Variants in NR3C2 observed in about 807,000 individuals in gnomAD.
The protein encoded by NR3C2 is mineralocorticoid receptor.
Under a neutral mutation model 86.4 loss-of-function variants are expected in NR3C2, and 15 were observed. The ratio of observed to expected loss-of-function variants is 0.17; its 90% confidence interval spans 0.12 to 0.27. The LOEUF (loss-of-function observed/expected upper bound fraction) is 0.27. Among genes scored for constraint, NR3C2 ranks in the 10% least tolerant of loss-of-function variants. NR3C2 has a pLI of 1.00. For missense variants in NR3C2, 960 were observed against 1,195.6 expected, an observed-to-expected ratio of 0.80 and a Z score of 2.91; for synonymous variants, 458 against 450.5, an observed-to-expected ratio of 1.02 and a Z score of -0.21.
intron 6 of NR3C2, among the ~76,000 whole-genome samples, chr4:148,135,208 G>A (rs940989311): frequency 1.3e-5 from 2 of 152,206 alleles, no homozygotes; most frequent in African/African-American, 4.8e-5. Context: ...AATTGTCAAT[G>A]TGCTAGTAAG....
At chr4:148,389,484 T>C (rs950910842) in intron 2 of NR3C2, among the ~76,000 whole-genome samples, 3 of 152,152 alleles carry the variant, frequency 2.0e-5, no homozygotes, top group African/African-American at 7.2e-5. Context: ...CTTAAAAACA[T>C]ACTGAGTTTT....
chr4:148,341,083 G>T (rs1744724552), intron 2 of NR3C2, among the ~76,000 whole-genome samples: 1 of 151,996 alleles, frequency 6.6e-6, no homozygotes. Context: ...AAAAACTAAA[G>T]ATAGAAATAC....
intron 3 of NR3C2, among the ~76,000 whole-genome samples, chr4:148,236,506 T>C (rs1446000930): frequency 6.6e-6 from 1 of 151,906 alleles, no homozygotes; most frequent in Non-Finnish European, 1.5e-5. Context: ...AAATAAAATA[T>C]ACAATTAGCA....
At chr4:148,284,311 A>ACTCCTTCAGAG (rs1272851226) in intron 2 of NR3C2, among the ~76,000 whole-genome samples, 2 of 152,050 alleles carry the variant, frequency 1.3e-5, no homozygotes, top group African/African-American at 2.4e-5. Flanking sequence ...AAGCCTATAA[A>ACTCCTTCAGAG]TAGAGGGTTG....
intron 2 of NR3C2, among the ~76,000 whole-genome samples, chr4:148,430,723 T>C (rs1480437011): frequency 6.6e-6 from 1 of 152,140 alleles, no homozygotes; most frequent in East Asian, 1.9e-4. Flanking sequence ...GACATTGCAT[T>C]ACATGGAAAT....
chr4:148,284,773 A>G (rs1303837007), intron 2 of NR3C2, among the ~76,000 whole-genome samples: 1 of 152,116 alleles, frequency 6.6e-6, no homozygotes, highest in African/African-American at 2.4e-5. Context: ...CCACTGTCCA[A>G]ATTTTCTGAC....
At chr4:148,257,251 C>A (rs748895128) in intron 3 of NR3C2, among the ~76,000 whole-genome samples, 3 of 152,122 alleles carry the variant, frequency 2.0e-5, no homozygotes, top group Non-Finnish European at 4.4e-5. Flanking sequence ...AAACATACAT[C>A]CATACATATA....
intron 2 of NR3C2, among the ~76,000 whole-genome samples, chr4:148,370,936 G>T (rs1746386996): frequency 6.6e-6 from 1 of 151,992 alleles, no homozygotes; most frequent in African/African-American, 2.4e-5. Flanking sequence ...GAGCAATCAT[G>T]GCTCACTGCA....
chr4:148,162,804 C>G (rs1015464113), intron 4 of NR3C2, among the ~76,000 whole-genome samples: 1 of 152,128 alleles, frequency 6.6e-6, no homozygotes, highest in Non-Finnish European at 1.5e-5. Flanking sequence ...GGATTGATTA[C>G]GCCTGACAAC....
chr4:148,231,060 T>A (rs372887505), intron 3 of NR3C2, among the ~76,000 whole-genome samples: 1 of 152,362 alleles, frequency 6.6e-6, no homozygotes, highest in African/African-American at 2.4e-5. Flanking sequence ...AGGTCCTACT[T>A]GTCAAGGTAA....
chr4:148,171,694 G>A (rs1459029412), intron 4 of NR3C2, among the ~76,000 whole-genome samples: 1 of 152,182 alleles, frequency 6.6e-6, no homozygotes, highest in African/African-American at 2.4e-5. Flanking sequence ...AACAGGTCAG[G>A]GACCCAGTAT....
intron 3 of NR3C2, among the ~76,000 whole-genome samples, chr4:148,232,056 AG>A (rs1738490992): frequency 6.6e-6 from 1 of 152,182 alleles, no homozygotes; most frequent in African/African-American, 2.4e-5. Context: ...GACCCCTCAA[AG>A]TCATCCATGA....
chr4:148,259,750 A>C (rs1740003665), intron 3 of NR3C2, among the ~76,000 whole-genome samples: 1 of 152,160 alleles, frequency 6.6e-6, no homozygotes. Context: ...ACAACAAAAA[A>C]TCCTCTTTGG....
chr4:148,425,268 A>C (rs1456215687), intron 2 of NR3C2, among the ~76,000 whole-genome samples: 1 of 152,244 alleles, frequency 6.6e-6, no homozygotes, highest in Non-Finnish European at 1.5e-5. Flanking sequence ...ATGTACAAGT[A>C]ACAGGCCAGA....
intron 8 of NR3C2, among the ~76,000 whole-genome samples, chr4:148,086,822 A>T (rs574439559): frequency 6.6e-6 from 1 of 152,344 alleles, no homozygotes; most frequent in East Asian, 1.9e-4. Context: ...AGCCAATATC[A>T]TACTGAATGG....
At chr4:148,419,385 T>C (rs1052505090) in intron 2 of NR3C2, among the ~76,000 whole-genome samples, 4 of 152,198 alleles carry the variant, frequency 2.6e-5, no homozygotes, top group Admixed American at 6.5e-5. Context: ...CAAAATTACA[T>C]GTGCAAGTAT....
At chr4:148,124,312 C>T (rs1732648362) in intron 6 of NR3C2, among the ~76,000 whole-genome samples, 1 of 152,118 alleles carries the variant, frequency 6.6e-6, no homozygotes, top group Non-Finnish European at 1.5e-5. Flanking sequence ...CTGAAAATGT[C>T]TTTATTTTAT....
At chr4:148,409,337 T>G (rs1373178668) in intron 2 of NR3C2, among the ~76,000 whole-genome samples, 1 of 152,154 alleles carries the variant, frequency 6.6e-6, no homozygotes, top group African/African-American at 2.4e-5. Flanking sequence ...TTCTCTTCTG[T>G]CTCTAAAAAT....
At chr4:148,223,936 A>G (rs898054753) in intron 3 of NR3C2, among the ~76,000 whole-genome samples, 4 of 152,148 alleles carry the variant, frequency 2.6e-5, no homozygotes, top group Non-Finnish European at 5.9e-5. Flanking sequence ...GGAAGATCCT[A>G]TAGGCAAATG....
Sources: allele counts gnomAD v4.1 joint callset (sites outside exome capture counted in the v4.1 genomes callset), GRCh38; gene constraint gnomAD v4.1.1; transcripts MANE v1.5; gene names NCBI Gene and HGNC (gene_info 2026-07-23, HGNC 2026-07-21).